Variants in MITF observed in about 807,000 individuals in gnomAD.
MITF encodes the protein melanocyte inducing transcription factor, also known as microphthalmia-associated transcription factor.
Under a neutral mutation model 60.5 loss-of-function variants are expected in MITF, and 17 were observed. The observed-to-expected ratio is 0.28, with a 90% CI of 0.19 to 0.42. The LOEUF is 0.42. Among genes scored for constraint, MITF ranks in the 10% least tolerant of loss-of-function variants. MITF has a pLI of 1.00. For missense variants in MITF, 622 were observed against 683.5 expected (o/e 0.91, Z 1.00); for synonymous variants, 260 against 248.5 (o/e 1.05, Z -0.43).
intron 4 of MITF, 150 bp downstream of exon 4, chr3:69,939,331 C>G (rs2065918210): frequency 2.9e-6 from 2 of 693,298 alleles, no homozygotes. Flanking sequence ...TGCCATTTTC[C>G]TCATAGTATC....
chr3:69,890,141 A>T (rs1190844262), intron 2 of MITF, among the ~76,000 whole-genome samples: 5 of 151,986 alleles, frequency 3.3e-5, no homozygotes, highest in African/African-American at 1.2e-4. Flanking sequence ...ATTAGTCATT[A>T]TTTTCTTGCT....
intron 1 of MITF, among the ~76,000 whole-genome samples, chr3:69,751,274 T>A (rs2106769428): frequency 6.6e-6 from 1 of 152,310 alleles, no homozygotes; most frequent in East Asian, 1.9e-4. Context: ...CCAGACAGTT[T>A]GTAGAGTGTG....
intron 9 of MITF, among the ~76,000 whole-genome samples, chr3:69,962,658 A>G (rs1559753965): frequency 6.6e-6 from 1 of 152,174 alleles, no homozygotes; most frequent in Non-Finnish European, 1.5e-5. Context: ...AAGGGATAGC[A>G]TTGGAATGGA....
intron 4 of MITF, among the ~76,000 whole-genome samples, chr3:69,940,590 G>A (rs1345106910): frequency 6.6e-6 from 1 of 152,152 alleles, no homozygotes; most frequent in Non-Finnish European, 1.5e-5. Context: ...AGCTGTACAA[G>A]GAGAAACTTA....
chr3:69,809,599 G>T (rs971666456), intron 1 of MITF, among the ~76,000 whole-genome samples: 1 of 150,684 alleles, frequency 6.6e-6, no homozygotes, highest in Non-Finnish European at 1.5e-5. Context: ...TCACATGAAT[G>T]TGTATAAACA....
At chr3:69,859,913 A>T (rs950317077) in intron 1 of MITF, among the ~76,000 whole-genome samples, 1 of 152,322 alleles carries the variant, frequency 6.6e-6, no homozygotes, top group Non-Finnish European at 1.5e-5. Flanking sequence ...TTGTAAAGTC[A>T]TCTTGTGAAT....
chr3:69,754,597 T>C (rs1704059195), intron 1 of MITF, among the ~76,000 whole-genome samples: 1 of 151,666 alleles, frequency 6.6e-6, no homozygotes, highest in Non-Finnish European at 1.5e-5. Context: ...CTGTACAGCC[T>C]GCAGAACAGT....
At chr3:69,749,426 G>T (rs1408240441) in intron 1 of MITF, among the ~76,000 whole-genome samples, 1 of 152,124 alleles carries the variant, frequency 6.6e-6, no homozygotes, top group Non-Finnish European at 1.5e-5. Flanking sequence ...CTGCATAGTT[G>T]CACCATCTAA....
At chr3:69,786,569 CT>C (rs1209843925) in intron 1 of MITF, among the ~76,000 whole-genome samples, 1 of 152,054 alleles carries the variant, frequency 6.6e-6, no homozygotes, top group Non-Finnish European at 1.5e-5. Flanking sequence ...GTTTACTGCT[CT>C]CAGGAGACAT....
At chr3:69,800,684 T>C (rs62251009) in intron 1 of MITF, among the ~76,000 whole-genome samples, 22,845 of 152,162 alleles carry the variant, frequency 0.15, 2,097 homozygotes, top group South Asian at 0.21. Context: ...GTGTCTCTTT[T>C]ATTCTTTTGT....
At chr3:69,941,776 T>C (rs2107492101) in intron 5 of MITF, among the ~76,000 whole-genome samples, 1 of 152,334 alleles carries the variant, frequency 6.6e-6, no homozygotes, top group African/African-American at 2.4e-5. Context: ...CAGCAAAATC[T>C]ATTCCAACCT....
Position 69,941,334 on chromosome 3 carries a change from A to G in MITF, c.762+3A>G. The G allele has an allele frequency of 6.3e-7, 1 of 1,592,750 alleles. No homozygotes were observed. ...CTGCTTTGCAAATGGCAAATACGGT[A>G]TTGATAACCTTTTTTTAAGTAGAAA... On this transcript the variant is annotated splice_donor_region_variant and intron_variant, in intron 5 of 9. Coordinates refer to ENST00000352241, the MANE Select transcript of MITF (RefSeq NM_001354604.2).
chr3:69,753,142 T>G (rs1703998577), intron 1 of MITF, among the ~76,000 whole-genome samples: 1 of 152,072 alleles, frequency 6.6e-6, no homozygotes, highest in South Asian at 2.1e-4. Flanking sequence ...CTTGGGACAC[T>G]GCTCTCCACA....
chr3:69,935,212 G>A (rs9827888), intron 2 of MITF, among the ~76,000 whole-genome samples: 9 of 152,020 alleles, frequency 5.9e-5, no homozygotes, highest in Admixed American at 3.3e-4. Flanking sequence ...TTCAACTTAC[G>A]TGAAAAATAA....
At chr3:69,941,049 C>T (rs1342411460) in intron 4 of MITF, among the ~76,000 whole-genome samples, 187 bp from the exon 5 acceptor site, 1 of 152,136 alleles carries the variant, frequency 6.6e-6, no homozygotes, top group South Asian at 2.1e-4. Flanking sequence ...ATCACCTATT[C>T]GTGTTAATGG....
intron 2 of MITF, among the ~76,000 whole-genome samples, chr3:69,880,482 G>C (rs2064461126): frequency 6.6e-6 from 1 of 152,072 alleles, no homozygotes; most frequent in Non-Finnish European, 1.5e-5. Flanking sequence ...CTGAAATTGG[G>C]TTAGGGAAAA....
intron 1 of MITF, among the ~76,000 whole-genome samples, chr3:69,850,370 A>G (rs1172948647): frequency 6.6e-6 from 1 of 152,162 alleles, no homozygotes; most frequent in African/African-American, 2.4e-5. Context: ...CATTCTCCTT[A>G]TTGGTAAAAG....
At chr3:69,770,018 A>G (rs2106834307) in intron 1 of MITF, among the ~76,000 whole-genome samples, 1 of 152,322 alleles carries the variant, frequency 6.6e-6, no homozygotes, top group African/African-American at 2.4e-5. Flanking sequence ...GTAGTAAAAC[A>G]TACTCCTTTG....
In MITF at chr3:69,755,033, C is replaced by T. The variant is rs75509577; in HGVS notation, c.104+15332C>T. On this transcript the variant is annotated intron_variant, in intron 1 of 9. Coordinates refer to ENST00000352241, the MANE Select transcript of MITF (RefSeq NM_001354604.2). ...GCATTAGGATTTTTGGGAGTTGATACAGGTCAAATAGTGGTGAAAGGTGGG... is the reference window on the plus strand; with the variant it reads ...GCATTAGGATTTTTGGGAGTTGATATAGGTCAAATAGTGGTGAAAGGTGGG... Among the ~76,000 whole-genome samples the T allele has an allele frequency of 2.6e-3, 394 of 152,190 alleles. 3 individuals carry two copies. Among genetic ancestry groups the T allele is most frequent in the Admixed American group, 5.8e-3 (88 of 15,280 alleles).
Sources: gnomAD v4.1 joint callset for allele counts (sites outside exome capture counted in the v4.1 genomes callset) on GRCh38, gnomAD v4.1.1 for gene constraint, MANE v1.5 for transcripts, NCBI Gene and HGNC (gene_info 2026-07-23, HGNC 2026-07-21) for gene names.